Variants in CSGALNACT1 observed in about 807,000 individuals in gnomAD.
CSGALNACT1 encodes the protein chondroitin sulfate N-acetylgalactosaminyltransferase 1.
In CSGALNACT1, 52 loss-of-function variants were observed where a neutral mutation model predicts 51.0. The observed-to-expected ratio is 1.02, with a 90% CI of 0.82 to 1.29. CSGALNACT1 has a LOEUF of 1.29. Among genes scored for constraint, CSGALNACT1 ranks in the 50% most tolerant of loss-of-function variants. CSGALNACT1 has a pLI of 0.00. For synonymous variants in CSGALNACT1, 341 were observed against 254.4 expected (o/e 1.34, Z -3.24); for missense variants, 935 against 679.2 (o/e 1.38, Z -4.19).
chr8:19,657,308 G>GAAAGATAAACTA (rs1564363530), intron 1 of CSGALNACT1, among the ~76,000 whole-genome samples: 6 of 151,858 alleles, frequency 4.0e-5, no homozygotes, highest in African/African-American at 1.5e-4. Context: ...AAGATAAACT[G>GAAAGATAAACTA]AAAGACGTGA....
chr8:19,419,408 G>T (rs918978048), intron 7 of CSGALNACT1, among the ~76,000 whole-genome samples: 1 of 152,154 alleles, frequency 6.6e-6, no homozygotes, highest in African/African-American at 2.4e-5. Context: ...GTTGACTTTG[G>T]GTCAGGGTGA....
At chr8:19,702,812 A>T (rs1187751305) in intron 1 of CSGALNACT1, among the ~76,000 whole-genome samples, 2 of 152,092 alleles carry the variant, frequency 1.3e-5, no homozygotes, top group African/African-American at 4.8e-5. Context: ...CTGAGCTGCC[A>T]TGGATCTAGT....
At chr8:19,740,864 T>C (rs1414331541) in intron 1 of CSGALNACT1, among the ~76,000 whole-genome samples, 1 of 152,208 alleles carries the variant, frequency 6.6e-6, no homozygotes, top group East Asian at 1.9e-4. Context: ...ATTTGCTTTA[T>C]TATCATAAGT....
intron 3 of CSGALNACT1, among the ~76,000 whole-genome samples, chr8:19,571,273 C>G (rs1337324485): frequency 6.6e-6 from 1 of 152,096 alleles, no homozygotes; most frequent in African/African-American, 2.4e-5. Context: ...AACTCCGTAT[C>G]CGATATAACT....
intron 1 of CSGALNACT1, among the ~76,000 whole-genome samples, chr8:19,667,023 G>GAAA (rs1554794985): frequency 9.3e-5 from 3 of 32,174 alleles, no homozygotes; most frequent in East Asian, 6.8e-4. Flanking sequence ...AAGAAAGGAA[G>GAAA]GAAGGAAGGA....
chr8:19,650,509 A>T (rs1158227176), intron 1 of CSGALNACT1, among the ~76,000 whole-genome samples: 1 of 152,158 alleles, frequency 6.6e-6, no homozygotes, highest in Admixed American at 6.5e-5. Flanking sequence ...TTTTCAGCTA[A>T]ATCAAATGCA....
At chr8:19,446,618 A>T (rs1232661810) in intron 5 of CSGALNACT1, among the ~76,000 whole-genome samples, 2 of 152,126 alleles carry the variant, frequency 1.3e-5, no homozygotes, top group Non-Finnish European at 2.9e-5. Context: ...GGTTCAAGTG[A>T]TCCTCCCACC....
Position 19,465,439 on chromosome 8 carries a change from G to C in CSGALNACT1, c.635-6797C>G, listed in dbSNP as rs75490892. On this transcript the variant is annotated intron_variant, in intron 4 of 9. Transcript: ENST00000454498. Reference sequence around the variant, plus strand: ...ATGGATGGTGGTGATGGATGCGCAAGAATGTCAATGTACTTAAGGCCACTG... The same window carrying C: ...ATGGATGGTGGTGATGGATGCGCAACAATGTCAATGTACTTAAGGCCACTG... Among the ~76,000 whole-genome samples the C allele has an allele frequency of 5.3e-3, 809 of 152,258 alleles. 9 individuals are homozygous for C. The highest frequency in any genetic ancestry group is 0.018 in the African/African-American group (767 of 41,564).
intron 8 of CSGALNACT1, among the ~76,000 whole-genome samples, chr8:19,409,104 C>G (rs1333489407): frequency 6.6e-6 from 1 of 152,096 alleles, no homozygotes; most frequent in East Asian, 1.9e-4. Flanking sequence ...GCCTGGGCAG[C>G]GAGCCAGCAA....
intron 6 of CSGALNACT1, among the ~76,000 whole-genome samples, chr8:19,425,476 A>G (rs1307889159): frequency 6.6e-6 from 1 of 152,190 alleles, no homozygotes; most frequent in African/African-American, 2.4e-5. Context: ...TGTAAAATGT[A>G]GATTTACTGA....
intron 1 of CSGALNACT1, among the ~76,000 whole-genome samples, chr8:19,653,902 A>G (rs542015717): frequency 2.0e-5 from 3 of 152,144 alleles, no homozygotes; most frequent in Non-Finnish European, 4.4e-5. Flanking sequence ...ATCATAAAGT[A>G]TAGGAGGATG....
chr8:19,710,145 T>C (rs1255503619), intron 1 of CSGALNACT1, among the ~76,000 whole-genome samples: 1 of 152,196 alleles, frequency 6.6e-6, no homozygotes, highest in Non-Finnish European at 1.5e-5. Context: ...CTGTGACTTC[T>C]GATTCAAAAT....
chr8:19,680,944 A>G (rs938370024), intron 1 of CSGALNACT1, among the ~76,000 whole-genome samples: 3 of 152,130 alleles, frequency 2.0e-5, no homozygotes, highest in Non-Finnish European at 4.4e-5. Flanking sequence ...ATGGGACCAC[A>G]GTTGTATATG....
At chr8:19,725,745 T>G (rs1483449937) in intron 1 of CSGALNACT1, among the ~76,000 whole-genome samples, 1 of 152,100 alleles carries the variant, frequency 6.6e-6, no homozygotes, top group Non-Finnish European at 1.5e-5. Context: ...AGACTTCACT[T>G]TTTTAGAGCA....
intron 2 of CSGALNACT1, among the ~76,000 whole-genome samples, chr8:19,596,077 C>T (rs75572620): frequency 4.6e-5 from 7 of 152,056 alleles, no homozygotes; most frequent in South Asian, 2.1e-4. Context: ...CATGTTGCCT[C>T]GGTTGGTCTT....
rs2052191062 is a variant in CSGALNACT1 at position 19,611,065 on chromosome 8, A to C, written c.-543-9200T>G. 2.0e-5 allele frequency among the ~76,000 whole-genome samples: 3 copies of C among 152,246 alleles called. No individual in the cohort carries two copies. The South Asian group carries it at 6.2e-4, about 31-fold the overall frequency. On this transcript the variant is annotated intron_variant, in intron 1 of 9. Transcript: ENST00000332246. ...CTGTCGCACGCCCTGCGAAGGGGAC[A>C]AGAGAACTTTTCCCGTTTCAGAAAA...
intron 1 of CSGALNACT1, among the ~76,000 whole-genome samples, chr8:19,635,996 C>G (rs1037019688): frequency 2.6e-5 from 4 of 152,204 alleles, no homozygotes; most frequent in African/African-American, 9.7e-5. Flanking sequence ...TTCCAATGTG[C>G]TGAGATTACA....
At chr8:19,435,630 G>T (rs958223501) in intron 6 of CSGALNACT1, among the ~76,000 whole-genome samples, 3 of 152,092 alleles carry the variant, frequency 2.0e-5, no homozygotes, top group Non-Finnish European at 4.4e-5. Context: ...CTTCATCTCA[G>T]GCCCACTGAT....
chr8:19,440,501 T>C (rs1313622690), intron 5 of CSGALNACT1, among the ~76,000 whole-genome samples: 1 of 151,854 alleles, frequency 6.6e-6, no homozygotes, highest in Non-Finnish European at 1.5e-5. Context: ...GAAAAGGCCT[T>C]TGACAAAATT....
Sources: allele counts gnomAD v4.1 joint callset (sites outside exome capture counted in the v4.1 genomes callset), GRCh38; gene constraint gnomAD v4.1.1; transcripts MANE v1.5; gene names NCBI Gene and HGNC (gene_info 2026-07-23, HGNC 2026-07-21).